Variants in CNTN3 observed in about 807,000 individuals in gnomAD.
CNTN3 encodes the protein contactin-3.
In CNTN3, 60 loss-of-function variants were observed where a neutral mutation model predicts 119.1. That is an observed-to-expected ratio of 0.50 (90% CI 0.41 to 0.62). CNTN3 has a LOEUF of 0.62. Ranked by LOEUF, CNTN3 falls within the 20% of genes least tolerant of loss-of-function variation. The probability of loss-of-function intolerance (pLI) is 0.00; values close to 1 mark genes in which losing one functional copy is unlikely to be tolerated. For synonymous variants in CNTN3, 450 were observed against 438.7 expected, an observed-to-expected ratio of 1.03 and a Z score of -0.32; for missense variants, 1,101 against 1,242.4, an observed-to-expected ratio of 0.89 and a Z score of 1.71.
At chr3:74,599,597 G>C (rs1050850605) in intron 1 of CNTN3, among the ~76,000 whole-genome samples, 11 of 152,046 alleles carry the variant, frequency 7.2e-5, no homozygotes, top group African/African-American at 2.7e-4. Flanking sequence ...ACTCCTATGA[G>C]GATCTCATGC....
intron 1 of CNTN3, among the ~76,000 whole-genome samples, chr3:74,583,596 A>C (rs572782022): frequency 6.6e-6 from 1 of 152,196 alleles, no homozygotes. Flanking sequence ...GGAAATGACC[A>C]TGAGAGGAAT....
At chr3:74,464,677 T>C (rs1293973300) in intron 4 of CNTN3, among the ~76,000 whole-genome samples, 1 of 152,214 alleles carries the variant, frequency 6.6e-6, no homozygotes, top group Admixed American at 6.6e-5. Context: ...TGTGGCATAA[T>C]ATTTTAAAAA....
intron 1 of CNTN3, among the ~76,000 whole-genome samples, chr3:74,612,103 G>A (rs1057242130): frequency 6.6e-6 from 1 of 152,156 alleles, no homozygotes; most frequent in Non-Finnish European, 1.5e-5. Flanking sequence ...CATATTAAGA[G>A]TTAATGAGAA....
intron 4 of CNTN3, among the ~76,000 whole-genome samples, chr3:74,438,498 A>G (rs956026251): frequency 1.3e-5 from 2 of 152,182 alleles, no homozygotes; most frequent in Non-Finnish European, 2.9e-5. Flanking sequence ...AGCCACATCT[A>G]TCCAGACTTA....
intron 5 of CNTN3, among the ~76,000 whole-genome samples, chr3:74,405,206 T>C (rs1392019733): frequency 6.6e-6 from 1 of 152,080 alleles, no homozygotes. Context: ...GAAAGGGATT[T>C]GACATCATTT....
chr3:74,545,004 C>T (rs1431595802), intron 1 of CNTN3, among the ~76,000 whole-genome samples: 1 of 152,108 alleles, frequency 6.6e-6, no homozygotes, highest in East Asian at 1.9e-4. Flanking sequence ...TTCCAAAATA[C>T]CATATGCAAT....
At chr3:74,344,296 C>A (rs1309381500) in intron 11 of CNTN3, among the ~76,000 whole-genome samples, 1 of 151,492 alleles carries the variant, frequency 6.6e-6, no homozygotes, top group Admixed American at 6.6e-5. Context: ...TGAGTTCTTG[C>A]AAGATAGAAT....
At chr3:74,598,888 A>G (rs1704858647) in intron 1 of CNTN3, among the ~76,000 whole-genome samples, 1 of 152,062 alleles carries the variant, frequency 6.6e-6, no homozygotes, top group African/African-American at 2.4e-5. Flanking sequence ...ACAGGCAAGC[A>G]AAAGGCAAAT....
At chr3:74,369,438 G>A (rs1704280459) in intron 7 of CNTN3, 65 bp from the exon 8 acceptor site, 7 of 1,331,690 alleles carry the variant, frequency 5.3e-6, no homozygotes, top group Non-Finnish European at 6.1e-6. Flanking sequence ...AGAAAATAAA[G>A]CTTTTAAGAT....
chr3:74,320,670 AC>A (rs1370713412), intron 13 of CNTN3, among the ~76,000 whole-genome samples: 18 of 152,334 alleles, frequency 1.2e-4, no homozygotes, highest in African/African-American at 4.3e-4. Context: ...AAAAAAGTAA[AC>A]AAAAACAACA....
chr3:74,401,636 A>C (rs1050347133), intron 5 of CNTN3, among the ~76,000 whole-genome samples: 1 of 152,154 alleles, frequency 6.6e-6, no homozygotes, highest in Admixed American at 6.5e-5. Context: ...CTCTTAGTAA[A>C]TTGGGTCTGA....
intron 1 of CNTN3, among the ~76,000 whole-genome samples, chr3:74,533,402 C>T (rs1703720194): frequency 6.6e-6 from 1 of 151,936 alleles, no homozygotes; most frequent in Admixed American, 6.6e-5. Context: ...TTCAGAGGAT[C>T]ACTTCACTCC....
At chr3:74,311,825 A>G (rs945220773) in intron 13 of CNTN3, among the ~76,000 whole-genome samples, 3 of 152,262 alleles carry the variant, frequency 2.0e-5, no homozygotes, top group Non-Finnish European at 4.4e-5. Flanking sequence ...AAGTGAGGTC[A>G]TAGGACAAAC....
intron 1 of CNTN3, among the ~76,000 whole-genome samples, chr3:74,559,695 T>C (rs1040220888): frequency 1.3e-5 from 2 of 152,172 alleles, no homozygotes; most frequent in African/African-American, 4.8e-5. Context: ...AGATAGAAAT[T>C]CTGACTTCTT....
At chr3:74,285,520 A>G (rs771775598) in intron 19 of CNTN3, 29 bp from the exon 20 acceptor site, 6 of 1,567,658 alleles carry the variant, frequency 3.8e-6, no homozygotes, top group Non-Finnish European at 4.3e-6. Flanking sequence ...CAAACATGTG[A>G]AGGCTTAAAA....
intron 2 of CNTN3, among the ~76,000 whole-genome samples, chr3:74,516,349 T>A (rs551611012): frequency 2.0e-5 from 3 of 150,384 alleles, no homozygotes; most frequent in South Asian, 4.2e-4. Flanking sequence ...CTTCTTCTTC[T>A]TCCTCCCCAG....
chr3:74,560,495 C>A (rs899302060), intron 1 of CNTN3, among the ~76,000 whole-genome samples: 1 of 152,074 alleles, frequency 6.6e-6, no homozygotes, highest in Non-Finnish European at 1.5e-5. Context: ...TGAATACATG[C>A]ACATATTTAT....
At chr3:74,455,844 T>C (rs1702258444) in intron 4 of CNTN3, among the ~76,000 whole-genome samples, 1 of 152,160 alleles carries the variant, frequency 6.6e-6, no homozygotes, top group Middle Eastern at 3.4e-3. Context: ...CTTGTTAAAA[T>C]ACCTGTGGCC....
intron 17 of CNTN3, 103 bp from the exon 18 acceptor site, chr3:74,298,294 A>T (rs1241573109): frequency 1.5e-6 from 1 of 675,186 alleles, no homozygotes; most frequent in African/African-American, 1.8e-5. Flanking sequence ...TCATCAAATA[A>T]TCATCTACAT....
Sources: allele counts gnomAD v4.1 joint callset (sites outside exome capture counted in the v4.1 genomes callset), GRCh38; gene constraint gnomAD v4.1.1; transcripts MANE v1.5; gene names NCBI Gene and HGNC (gene_info 2026-07-23, HGNC 2026-07-21).